The following HIGD1C variants were observed in gnomAD, a reference collection of about 807,000 sequenced individuals.
HIGD1C encodes HIG1 hypoxia inducible domain family member 1C.
A neutral mutation model predicts 13.1 loss-of-function variants in HIGD1C; 11 were observed. The observed-to-expected ratio is 0.84, with a 90% confidence interval of 0.53 to 1.39. HIGD1C has a LOEUF of 1.39. HIGD1C is among the 40% of genes most tolerant of loss of function. HIGD1C has a pLI of 0.00. For synonymous variants in HIGD1C, 36 were observed against 37.7 expected (o/e 0.95, Z 0.17); for missense variants, 110 against 112.0 (o/e 0.98, Z 0.08).
chr12:50,957,132 T>C (rs1297334949), intron 1 of HIGD1C, among the ~76,000 whole-genome samples: 1 of 152,168 alleles, frequency 6.6e-6, no homozygotes, highest in Admixed American at 6.5e-5. Flanking sequence ...AGAATAAATA[T>C]ATCCTTACCC....
At chr12:50,969,492 G>C (rs1388410102) in intron 2 of HIGD1C, among the ~76,000 whole-genome samples, 1 of 152,042 alleles carries the variant, frequency 6.6e-6, no homozygotes, top group East Asian at 1.9e-4. Flanking sequence ...CTGAGGTCAG[G>C]AGTTCAAGAC....
At chr12:50,960,891 G>A in intron 1 of HIGD1C, 77 bp from the exon 4 acceptor site, 1 of 1,281,158 alleles carries the variant, frequency 7.8e-7, no homozygotes, top group Non-Finnish European at 1.1e-6. Flanking sequence ...TGTTGCCCAG[G>A]CTGTTTTCAA....
the HIGD1C span, among the ~76,000 whole-genome samples, chr12:50,942,521 C>T: frequency 1.3e-3 from 203 of 152,306 alleles, no homozygotes; most frequent in Non-Finnish European, 2.5e-3. Context: ...CCTTGAAATC[C>T]TTTGATGGCT....
chr12:50,955,057 C>T (rs372294856), intron 1 of HIGD1C, among the ~76,000 whole-genome samples: 101 of 152,104 alleles, frequency 6.6e-4, no homozygotes, highest in African/African-American at 1.0e-3. Flanking sequence ...TTTGAGAGGC[C>T]GAGGCAGGTG....
intron 2 of HIGD1C, among the ~76,000 whole-genome samples, chr12:50,961,916 T>C (rs1939344711): frequency 1.3e-5 from 2 of 152,214 alleles, no homozygotes; most frequent in African/African-American, 4.8e-5. Context: ...GAAGCCTTAC[T>C]ACAAAGTTAC....
chr12:50,940,059 G>A, the HIGD1C span: 1 of 151,922 alleles, frequency 6.6e-6, no homozygotes. Context: ...AATGTTTTCT[G>A]AAGATTTGGT....
At chr12:50,956,497 G>A (rs987723387) in intron 1 of HIGD1C, among the ~76,000 whole-genome samples, 1 of 152,140 alleles carries the variant, frequency 6.6e-6, no homozygotes, top group Non-Finnish European at 1.5e-5. Flanking sequence ...GTCCTATGCA[G>A]GTAACTTACA....
the HIGD1C span, among the ~76,000 whole-genome samples, chr12:50,937,673 G>A: frequency 6.6e-6 from 1 of 152,160 alleles, no homozygotes; most frequent in Non-Finnish European, 1.5e-5. Flanking sequence ...ATAGACACTG[G>A]AGGGTGAAGA....
At chr12:50,960,844 G>A in intron 1 of HIGD1C, 124 bp from the exon 4 acceptor site, 1 of 755,928 alleles carries the variant, frequency 1.3e-6, no homozygotes, top group South Asian at 2.2e-5. Flanking sequence ...CACCATGTGT[G>A]GCTAATTTTT....
upstream of HIGD1C, among the ~76,000 whole-genome samples, chr12:50,952,502 C>A (rs930142582): frequency 6.6e-6 from 1 of 152,120 alleles, no homozygotes; most frequent in Non-Finnish European, 1.5e-5. Flanking sequence ...TCTCAAGGGG[C>A]CCCAAGGCTA....
chr12:50,953,897 CA>C (rs1335156990), upstream of HIGD1C: 1 of 650,296 alleles, frequency 1.5e-6, no homozygotes, highest in Non-Finnish European at 2.6e-6. Context: ...CAAATGAAAA[CA>C]AAAAAACACA....
At chr12:50,957,693 T>G (rs1939151452) in intron 1 of HIGD1C, among the ~76,000 whole-genome samples, 1 of 151,636 alleles carries the variant, frequency 6.6e-6, no homozygotes, top group Non-Finnish European at 1.5e-5. Context: ...GAGACCAGCC[T>G]GGCCAACATG....
chr12:50,956,990 A>AT (rs71089716), intron 1 of HIGD1C, among the ~76,000 whole-genome samples: 27,763 of 143,828 alleles, frequency 0.19, 2,611 homozygotes, highest in South Asian at 0.27. Context: ...TCATTTTGTT[A>AT]TTTTTTTTTT....
chr12:50,964,141 G>A (rs1939452053), intron 2 of HIGD1C, among the ~76,000 whole-genome samples: 1 of 147,242 alleles, frequency 6.8e-6, no homozygotes, highest in African/African-American at 2.5e-5. Context: ...TGGACGTGGG[G>A]AATAGAAAAA....
intron 1 of HIGD1C, among the ~76,000 whole-genome samples, chr12:50,958,114 C>T (rs1939180541): frequency 6.6e-6 from 1 of 151,298 alleles, no homozygotes; most frequent in Non-Finnish European, 1.5e-5. Context: ...TCCTGTGTTC[C>T]TGAATTGGAA....
At chr12:50,950,104 C>A (rs751552367), upstream of HIGD1C, among the ~76,000 whole-genome samples, 1 of 152,140 alleles carries the variant, frequency 6.6e-6, no homozygotes, top group South Asian at 2.1e-4. Context: ...GGACACCTCA[C>A]GGGTGACAGG....
At chr12:50,934,695 G>C in the HIGD1C span, among the ~76,000 whole-genome samples, 412 of 152,236 alleles carry the variant, frequency 2.7e-3, 2 homozygotes, top group African/African-American at 9.4e-3. Flanking sequence ...AATGAAAAAA[G>C]AATATTTCAG....
chr12:50,949,903 C>T (rs1938858960), upstream of HIGD1C, among the ~76,000 whole-genome samples: 1 of 152,138 alleles, frequency 6.6e-6, no homozygotes, highest in Non-Finnish European at 1.5e-5. Flanking sequence ...AGCTCATTCC[C>T]CCAAAACCCC....
the HIGD1C span, among the ~76,000 whole-genome samples, chr12:50,937,080 CA>C: frequency 6.6e-6 from 1 of 152,222 alleles, no homozygotes; most frequent in African/African-American, 2.4e-5. Flanking sequence ...AGCACGTGCT[CA>C]AAAAGTATTT....
Sources: gnomAD v4.1 joint callset for allele counts (sites outside exome capture counted in the v4.1 genomes callset) on GRCh38, gnomAD v4.1.1 for gene constraint, MANE v1.5 for transcripts, NCBI Gene and HGNC (gene_info 2026-07-23, HGNC 2026-07-21) for gene names.